The following ATG4B variants were observed in gnomAD, a reference collection of about 807,000 sequenced individuals.
ATG4B encodes the protein cysteine protease ATG4B.
A neutral mutation model predicts 56.6 loss-of-function variants in ATG4B; 29 were observed. That is an observed-to-expected ratio of 0.51 (90% CI 0.38 to 0.70). ATG4B has a LOEUF of 0.70. ATG4B is among the 30% of genes least tolerant of loss of function. ATG4B has a pLI of 0.00. For missense variants in ATG4B, 461 were observed against 515.5 expected (o/e 0.89, Z 1.02); for synonymous variants, 224 against 206.1 (o/e 1.09, Z -0.74).
At chr2:241,670,630 C>T in intron 10 of ATG4B, 96 bp from the exon 11 acceptor site, 1 of 1,168,402 alleles carries the variant, frequency 8.6e-7, no homozygotes, top group Admixed American at 2.0e-5. Context: ...TGCTGGGGGC[C>T]TCTGCTGCGC....
intron 10 of ATG4B, among the ~76,000 whole-genome samples, chr2:241,669,088 TCCAC>T (rs376147841): frequency 1.1e-4 from 12 of 111,412 alleles, no homozygotes; most frequent in African/African-American, 3.8e-4. Flanking sequence ...GGGCGGCCCC[TCCAC>T]CCACCCACTC....
intron 7 of ATG4B, among the ~76,000 whole-genome samples, chr2:241,666,304 G>C (rs1052515128): frequency 3.3e-5 from 5 of 152,228 alleles, no homozygotes; most frequent in Non-Finnish European, 5.9e-5. Flanking sequence ...GCGGGTTCTG[G>C]CTGTGCTGGC....
chr2:241,646,781 CT>C (rs35123109), intron 1 of ATG4B, among the ~76,000 whole-genome samples: 26,520 of 122,722 alleles, frequency 0.22, 2,581 homozygotes, highest in African/African-American at 0.39. Flanking sequence ...GTATTCAATG[CT>C]TTTTTTTTTT....
chr2:241,663,354 T>TA (rs1460768052), intron 7 of ATG4B, among the ~76,000 whole-genome samples: 3 of 152,236 alleles, frequency 2.0e-5, no homozygotes, highest in African/African-American at 4.8e-5. Context: ...GTTTAGTAGA[T>TA]ACGTGTCAAA....
chr2:241,671,622 A>G, intron 12 of ATG4B: 1 of 1,486,250 alleles, frequency 6.7e-7, no homozygotes, highest in East Asian at 2.6e-5. Flanking sequence ...CTTCCCCACC[A>G]GCGCTGCCTG....
At chr2:241,659,443 G>A (rs2068522938) in intron 7 of ATG4B, 1 of 550,176 alleles carries the variant, frequency 1.8e-6, no homozygotes, top group African/African-American at 1.9e-5. Flanking sequence ...TTTGTGTCTT[G>A]GTTACAAATC....
rs752705639 is a variant in ATG4B, at chr2:241,654,598, C to T, written c.336C>T (p.Leu112=). ...AGCCAGACAGCTACTTCAGCGTCCT[C>T]AACGCATTCATCGACAGGAAGGACA... ...KRQPDSYFSV[L]NAFIDRKDSY... Residue 112 remains leucine, a synonymous_variant, in exon 5 of 13, where the codon CTC becomes CTT. Transcript: ENST00000404914. The T allele has an allele frequency of 7.5e-6, 12 of 1,603,688 alleles. No individual in the cohort carries two copies. The highest frequency in any genetic ancestry group is 5.1e-5 in the Admixed American group (3 of 58,502).
intron 1 of ATG4B, among the ~76,000 whole-genome samples, chr2:241,649,838 C>CAGTG (rs952034258): frequency 1.4e-5 from 2 of 145,020 alleles, no homozygotes; most frequent in Non-Finnish European, 3.0e-5. Flanking sequence ...GGCTGGAGTG[C>CAGTG]AGTGGCACAA....
chr2:241,657,216 C>A (rs916285259), intron 6 of ATG4B, among the ~76,000 whole-genome samples: 1 of 140,856 alleles, frequency 7.1e-6, no homozygotes, highest in Non-Finnish European at 1.5e-5. Flanking sequence ...ACCTCGTGAT[C>A]CACCTGCCTT....
chr2:241,644,471 C>T (rs2068003055), intron 1 of ATG4B, among the ~76,000 whole-genome samples: 1 of 152,200 alleles, frequency 6.6e-6, no homozygotes, highest in Admixed American at 6.5e-5. Context: ...GGTGGCTGTG[C>T]CCCATTTCAT....
Position 241,667,873 on chromosome 2 carries a change from TCCTGCCAGGC to T in ATG4B, c.733-267_733-258del, listed in dbSNP as rs2125145675. The stretch of plus-strand genomic sequence containing the variant: ...CACCTCCCGCACCCCTGCTCACATC[TCCTGCCAGGC>T]CCCCTCACTCCCGGCCTCCCCAAAG... On this transcript the variant is annotated intron_variant, in intron 8 of 12. Transcript: ENST00000404914. The T allele has an allele frequency of 8.8e-6, 4 of 453,156 alleles. No individual in the cohort carries two copies. In the South Asian group the frequency reaches 1.1e-4, roughly 12 times the overall value. 28.1% of individuals were successfully genotyped at this position (453,156 alleles called of 1,614,324 possible).
chr2:241,648,039 G>A (rs993668586), intron 1 of ATG4B, among the ~76,000 whole-genome samples: 5 of 152,066 alleles, frequency 3.3e-5, no homozygotes, highest in African/African-American at 9.7e-5. Context: ...TCTTGAACCC[G>A]GAAGGTGGAG....
intron 1 of ATG4B, 62 bp from the exon 2 acceptor site, chr2:241,650,948 C>T (rs2068210508): frequency 1.4e-6 from 2 of 1,397,630 alleles, no homozygotes; most frequent in Admixed American, 2.0e-5. Context: ...TAAATGGCCT[C>T]TTTCGATACT....
rs533713335 is a variant in ATG4B at position 241,652,225 on chromosome 2, A to G, written c.184+890A>G. Among the ~76,000 whole-genome samples the G allele has an allele frequency of 6.6e-5, 10 of 152,256 alleles. No homozygotes were observed. In the South Asian group the frequency reaches 2.1e-3, roughly 32 times the overall value. ...ATATATTTTAATGACATACCTTGTC[A>G]GATGTGCCCTGGGAATAGTTGCTCA... On this transcript the variant is annotated intron_variant, in intron 3 of 12. Coordinates refer to ENST00000404914, the MANE Select transcript of ATG4B (RefSeq NM_013325.5).
chr2:241,641,728 GC>G (rs1162061439), intron 1 of ATG4B, among the ~76,000 whole-genome samples: 8 of 152,184 alleles, frequency 5.3e-5, no homozygotes, highest in Admixed American at 3.3e-4. Flanking sequence ...AAAAGAATAA[GC>G]CTGGGCTGGA....
intron 7 of ATG4B, chr2:241,659,424 A>T: frequency 1.7e-6 from 1 of 594,948 alleles, no homozygotes; most frequent in Non-Finnish European, 3.3e-6. Flanking sequence ...TTGGTATCTC[A>T]CGTCGTGTTT....
At position 241,668,119 on chromosome 2, in the gene ATG4B, G is replaced by C; in HGVS notation, c.733-24G>C. On this transcript the variant is annotated intron_variant, in intron 8 of 12. Coordinates refer to ENST00000404914, the MANE Select transcript of ATG4B (RefSeq NM_013325.5). This position sits in a 1 kb window ranked among gnomAD's most constrained non-coding sequence, Gnocchi z 4.2. ...CCGTCTGCTCCCACCTGGGACCTGT[G>C]CTCAGTCCCCCGCCCCTCCACAGCA... The C allele has an allele frequency of 6.4e-7, 1 of 1,571,288 alleles. No individual in the cohort carries two copies. The highest frequency in any genetic ancestry group is 8.6e-7 in the Non-Finnish European group (1 of 1,158,928).
In ATG4B at chr2:241,668,748, GAA is replaced by G. The variant is rs2068859011; in HGVS notation, c.957+66_957+67del. 1 of 1,512,320 alleles carries G rather than the reference GAA, an allele frequency of 6.6e-7. No homozygotes were observed. The highest frequency in any genetic ancestry group is 1.4e-5 in the African/African-American group (1 of 70,648). The allele number at this position is 1,512,320 out of a possible 1,614,324, so 93.7% of individuals were successfully genotyped here. A position where few individuals can be genotyped will look rare whatever the true frequency, so the allele number is the denominator to read the frequency against. ...CTGAATGCTGTTTGGGAATGACGAGGAAAACTTTCGGATTTTTGCGTTTTTTT... is the reference window on the plus strand; with the variant it reads ...CTGAATGCTGTTTGGGAATGACGAGGAACTTTCGGATTTTTGCGTTTTTTT... On this transcript the variant is annotated intron_variant, in intron 10 of 12. Coordinates refer to ENST00000404914, the MANE Select transcript of ATG4B (RefSeq NM_013325.5). This position sits in a 1 kb window ranked among gnomAD's most constrained non-coding sequence, Gnocchi z 4.2.
intron 7 of ATG4B, among the ~76,000 whole-genome samples, chr2:241,661,508 C>T (rs1224929851): frequency 3.9e-5 from 6 of 152,272 alleles, no homozygotes; most frequent in Middle Eastern, 3.4e-3. Context: ...GGAAGAAGTC[C>T]GCAAAGCCGA....
Sources: allele counts gnomAD v4.1 joint callset (sites outside exome capture counted in the v4.1 genomes callset), GRCh38; gene constraint gnomAD v4.1.1; non-coding constraint Gnocchi (gnomAD v3.1); transcripts MANE v1.5; gene names NCBI Gene and HGNC (gene_info 2026-07-23, HGNC 2026-07-21).